The following TBC1D16 variants were observed in gnomAD, a reference collection of about 807,000 sequenced individuals.
The protein encoded by TBC1D16 is TBC1 domain family member 16.
In TBC1D16, 58 loss-of-function variants were observed where a neutral mutation model predicts 74.7. That is an observed-to-expected ratio of 0.78 (90% CI 0.63 to 0.97). The LOEUF is 0.97. Among genes scored for constraint, TBC1D16 ranks in the 50% least tolerant of loss-of-function variants. The pLI, the probability that TBC1D16 is intolerant of heterozygous loss-of-function variation, is 0.00. For missense variants in TBC1D16, 1,014 were observed against 1,079.5 expected (o/e 0.94, Z 0.85); for synonymous variants, 493 against 474.7 (o/e 1.04, Z -0.50).
rs1475149608 is a variant in TBC1D16 at position 79,954,555 on chromosome 17, G to A, written c.780-1737C>T. Among the ~76,000 whole-genome samples, 6 of 152,072 alleles carry A rather than the reference G, an allele frequency of 3.9e-5. No homozygotes were observed. The highest frequency in any genetic ancestry group is 8.8e-5 in the Non-Finnish European group (6 of 67,994). ...ACCTGAACTGCCGTGGCTGCGCCGC[G>A]GACGGGCCCAGAAGACCGAGGGCTC... On this transcript the variant is annotated intron_variant, in intron 3 of 11. Coordinates refer to ENST00000310924, the MANE Select transcript of TBC1D16 (RefSeq NM_019020.4). This position sits in a 1 kb window ranked among gnomAD's most constrained non-coding sequence, Gnocchi z 5.5.
At position 79,971,969 on chromosome 17, in the gene TBC1D16, GC is replaced by G. The variant is rs542860919; in HGVS notation, c.780-19152del. On this transcript the variant is annotated intron_variant, in intron 3 of 11. Coordinates refer to ENST00000310924, the MANE Select transcript of TBC1D16 (RefSeq NM_019020.4). This position sits in a 1 kb window ranked among gnomAD's most constrained non-coding sequence, Gnocchi z 4.6. The stretch of plus-strand genomic sequence containing the variant: ...GACAGGTCGGAGTGCTCTGAAAACG[GC>G]CCTGGCATTGATTTTTAAAAAGGGT... Among the ~76,000 whole-genome samples, 193 of 152,214 alleles carry G rather than the reference GC, an allele frequency of 1.3e-3. No homozygotes were observed. The highest frequency in any genetic ancestry group is 4.5e-3 in the African/African-American group (185 of 41,526).
At position 79,981,921 on chromosome 17, in the gene TBC1D16, G is replaced by GCA. The variant is rs138103832; in HGVS notation, c.779+28237_779+28238dup. On this transcript the variant is annotated intron_variant, in intron 3 of 11. Transcript: ENST00000310924. This position sits in a 1 kb window ranked among gnomAD's most constrained non-coding sequence, Gnocchi z 6.9. ...GGCTTCCCTGTGCGCACACACACACGCACACACACACACATGCACATGTAT... is the reference window on the plus strand; with the variant it reads ...GGCTTCCCTGTGCGCACACACACACGCACACACACACACACATGCACATGTAT... Among the ~76,000 whole-genome samples, 38 of 151,620 alleles carry GCA rather than the reference G, an allele frequency of 2.5e-4. No homozygotes were observed. Among genetic ancestry groups the GCA allele is most frequent in the Non-Finnish European group, 4.6e-4 (31 of 67,836 alleles).
chr17:80,032,633 G>A lies in TBC1D16; in HGVS notation c.-63+3162C>T, dbSNP rs182454101. Among the ~76,000 whole-genome samples the A allele has an allele frequency of 3.7e-3, 571 of 152,312 alleles. 5 individuals carry two copies. Among genetic ancestry groups the A allele is most frequent in the African/African-American group, 0.013 (549 of 41,576 alleles). ...AAAAAACACTGCCGCTGAGGTGAAC[G>A]GAAAAAGGCCTCCAACATCATTGCC... On this transcript the variant is annotated intron_variant, in intron 1 of 11. Transcript: ENST00000310924.
intron 1 of TBC1D16, among the ~76,000 whole-genome samples, chr17:80,024,563 CGACACACCATAGGCA>C (rs2036457353): frequency 1.7e-5 from 1 of 59,228 alleles, no homozygotes; most frequent in Admixed American, 1.6e-4. Flanking sequence ...ACACCACACA[CGACACACCATAGGCA>C]CACACACCAC....
chr17:79,942,702 G>A (rs1195458286), intron 10 of TBC1D16, among the ~76,000 whole-genome samples: 1 of 152,176 alleles, frequency 6.6e-6, no homozygotes, highest in Non-Finnish European at 1.5e-5. Flanking sequence ...CTGTCCTCCT[G>A]GCTCCAGGCC....
intron 1 of TBC1D16, among the ~76,000 whole-genome samples, chr17:80,018,563 T>C (rs1051975182): frequency 6.7e-6 from 1 of 149,376 alleles, no homozygotes; most frequent in African/African-American, 2.6e-5. Context: ...ATTACAGGCG[T>C]GAGCCACCGT....
chr17:79,956,087 A>G lies in TBC1D16; in HGVS notation c.780-3269T>C, dbSNP rs2033320193. 6.6e-6 allele frequency among the ~76,000 whole-genome samples: 1 copy of G among 152,216 alleles called. No individual in the cohort carries two copies. The highest frequency in any genetic ancestry group is 1.5e-5 in the Non-Finnish European group (1 of 68,034). On this transcript the variant is annotated intron_variant, in intron 3 of 11. Transcript: ENST00000310924. The surrounding 1 kb of genome is among the most constrained non-coding windows in gnomAD (Gnocchi z 4.0). ...TGAGAGAGACACGCAACTGGCAGTC[A>G]GCACCAGAGCCCCGACACCTGTCAA...
intron 3 of TBC1D16, among the ~76,000 whole-genome samples, chr17:79,958,216 A>ATTTT (rs557536242): frequency 7.3e-6 from 1 of 137,478 alleles, no homozygotes; most frequent in East Asian, 2.1e-4. Context: ...AAACTGACCA[A>ATTTT]TTTTTTTTTT....
intron 3 of TBC1D16, among the ~76,000 whole-genome samples, chr17:79,984,613 G>GAAGGAAGGA (rs2034744538): frequency 8.8e-6 from 1 of 114,190 alleles, no homozygotes; most frequent in Non-Finnish European, 1.8e-5. Context: ...AAGAGGGAGG[G>GAAGGAAGGA]AGGGAGTGAA....
chr17:79,973,152 C>A (rs950052010), intron 3 of TBC1D16, among the ~76,000 whole-genome samples: 2 of 152,208 alleles, frequency 1.3e-5, no homozygotes, highest in Non-Finnish European at 2.9e-5. Context: ...ACCCAATACC[C>A]CCGTTGGTGC....
At position 79,947,767 on chromosome 17, in the gene TBC1D16, G is replaced by C. The variant is rs753307591; in HGVS notation, c.1606C>G (p.Leu536Val). The change falls in exon 9 of 12, where the codon CTG becomes GTG. Residue 536 changes from leucine to valine, a missense_variant. By Grantham distance (32) the Leu-to-Val change is conservative. Coordinates refer to ENST00000310924, the MANE Select transcript of TBC1D16 (RefSeq NM_019020.4). ...ACCTCGGCCAAGATGGGCGCCACCA[G>C]GTCCGACATCCCTTGGGAATAGCCG... The part of the protein sequence containing the change: ...AVGYSQGMSD[L>V]VAPILAEVLD... The C allele has an allele frequency of 1.2e-6, 2 of 1,613,968 alleles. No individual in the cohort carries two copies. The highest frequency in any genetic ancestry group is 1.1e-5 in the South Asian group (1 of 91,086).
chr17:80,030,842 A>G (rs1020816591), intron 1 of TBC1D16, among the ~76,000 whole-genome samples: 1 of 152,224 alleles, frequency 6.6e-6, no homozygotes, highest in African/African-American at 2.4e-5. Flanking sequence ...TGTCACTGCC[A>G]GACTGCTCAG....
intron 3 of TBC1D16, among the ~76,000 whole-genome samples, chr17:79,965,853 T>C (rs191859873): frequency 2.5e-4 from 38 of 152,368 alleles, no homozygotes; most frequent in Non-Finnish European, 4.9e-4. Flanking sequence ...CAGTCAGCTT[T>C]GTCTGCCAGT....
At chr17:79,969,279 G>A (rs767787852) in intron 3 of TBC1D16, among the ~76,000 whole-genome samples, 46 of 152,106 alleles carry the variant, frequency 3.0e-4, no homozygotes, top group Non-Finnish European at 2.4e-4. Flanking sequence ...CCAGCTACTC[G>A]GGAGGCTGAG....
rs1568646864 is a variant in TBC1D16, at chr17:80,023,659, C to CG, written c.-62-10051_-62-10050insC. 3.6e-5 allele frequency among the ~76,000 whole-genome samples: 4 copies of CG among 111,374 alleles called. No homozygotes were observed. The East Asian group carries it at 8.5e-4, about 24-fold the overall frequency. 73.1% of individuals were successfully genotyped at this position (111,374 alleles called of 152,430 possible). A position where few individuals can be genotyped will look rare whatever the true frequency, so the allele number is the denominator to read the frequency against. ...CCAGGAGCGAGAACTGCTGCCGGGC[C>CG]CCCCCCCACCGGCTCAGGGCGTGGC... On this transcript the variant is annotated intron_variant, in intron 1 of 11. Transcript: ENST00000310924.
intron 3 of TBC1D16, among the ~76,000 whole-genome samples, chr17:79,997,924 A>G (rs2035335371): frequency 1.3e-5 from 2 of 152,204 alleles, no homozygotes; most frequent in African/African-American, 2.4e-5. Flanking sequence ...CAGGAGTTCA[A>G]GATCAGCCTG....
At position 79,951,565 on chromosome 17, in the gene TBC1D16, A is replaced by G. The variant is rs1156297496; in HGVS notation, c.974T>C (p.Val325Ala). The G allele has an allele frequency of 1.2e-6, 2 of 1,613,830 alleles. No homozygotes were observed. Among genetic ancestry groups the G allele is most frequent in the Admixed American group, 3.3e-5 (2 of 60,002 alleles). The change falls in exon 5 of 12, where the codon GTT (valine) becomes GCT (alanine). Residue 325 changes from valine (V) to alanine (A), a missense_variant. Coordinates refer to ENST00000310924, the MANE Select transcript of TBC1D16 (RefSeq NM_019020.4). ...DEACTSGQLV[V>A]ASRESQYKVF... ...CTTGTACTGGCTCTCTCGGCTGGCAACGACCAGCTGGCCGCTGGTGCAGGC... is the reference window on the plus strand; with the variant it reads ...CTTGTACTGGCTCTCTCGGCTGGCAGCGACCAGCTGGCCGCTGGTGCAGGC...
intron 7 of TBC1D16, 57 bp from the exon 8 acceptor site, chr17:79,949,063 T>G (rs575618341): frequency 6.2e-7 from 1 of 1,607,664 alleles, no homozygotes; most frequent in African/African-American, 1.3e-5. Flanking sequence ...AGGCATCGTG[T>G]GGCGCACACA....
rs767395568 is a variant in TBC1D16, at chr17:79,950,493, A to G, written c.1175T>C (p.Met392Thr). ...PSSETHPEES[M>T]YKRLGVSAWL... is the part of the protein sequence containing the mutation. ...GGCGGAGACGCCGAGCCTCTTGTAC[A>G]TGCTCTCCTCGGGGTGCGTCTCGGA... The change falls in exon 6 of 12, where the codon ATG becomes ACG. Residue 392 changes from methionine (M) to threonine (T), a missense_variant. Coordinates refer to ENST00000310924, the MANE Select transcript of TBC1D16 (RefSeq NM_019020.4). This position sits in a 1 kb window ranked among gnomAD's most constrained non-coding sequence, Gnocchi z 4.6. The G allele has an allele frequency of 5.6e-6, 9 of 1,611,904 alleles. No homozygotes were observed. The highest frequency in any genetic ancestry group is 6.8e-6 in the Non-Finnish European group (8 of 1,179,684).
Sources: gnomAD v4.1 joint callset for allele counts (sites outside exome capture counted in the v4.1 genomes callset) on GRCh38, gnomAD v4.1.1 for gene constraint, Gnocchi (gnomAD v3.1) non-coding constraint, MANE v1.5 for transcripts, NCBI Gene and HGNC (gene_info 2026-07-23, HGNC 2026-07-21) for gene names.